The following C10orf67 variants were observed in gnomAD, a reference collection of about 807,000 sequenced individuals.
C10orf67 encodes chromosome 10 open reading frame 67, also known as uncharacterized protein C10orf67, mitochondrial.
Under a neutral mutation model 35.6 loss-of-function variants are expected in C10orf67, and 60 were observed. The ratio of observed to expected loss-of-function variants is 1.68; its 90% confidence interval spans 1.37 to 2.09. The LOEUF (loss-of-function observed/expected upper bound fraction) is 2.09. C10orf67 is among the 30% of genes most tolerant of loss of function. The pLI is 0.00. For missense variants in C10orf67, 474 were observed against 330.2 expected (o/e 1.44, Z -3.38); for synonymous variants, 167 against 115.8 (o/e 1.44, Z -2.84).
At chr10:23,232,655 G>A (rs919710287) in intron 13 of C10orf67, among the ~76,000 whole-genome samples, 1 of 152,120 alleles carries the variant, frequency 6.6e-6, no homozygotes, top group Non-Finnish European at 1.5e-5. Flanking sequence ...CAATATCCCA[G>A]CGTACCTGAA....
chr10:23,323,952 T>TATACACACAC (rs1564513730), intron 2 of C10orf67, among the ~76,000 whole-genome samples: 18 of 64,676 alleles, frequency 2.8e-4, no homozygotes, highest in Non-Finnish European at 4.7e-4. Flanking sequence ...TATATATATA[T>TATACACACAC]ACACACACAC....
At chr10:23,278,299 C>G (rs555867977) in intron 8 of C10orf67, among the ~76,000 whole-genome samples, 1 of 152,268 alleles carries the variant, frequency 6.6e-6, no homozygotes, top group South Asian at 2.1e-4. Context: ...GGAAATTAAT[C>G]CTGGAAACCC....
chr10:23,323,121 A>G (rs1171472375), intron 2 of C10orf67, among the ~76,000 whole-genome samples: 2 of 152,196 alleles, frequency 1.3e-5, no homozygotes, highest in African/African-American at 4.8e-5. Flanking sequence ...TTCTTCCCAC[A>G]CAGAAGAAAA....
chr10:23,323,891 CTAAATATATATATATATATATA>C (rs1845057830), intron 2 of C10orf67, among the ~76,000 whole-genome samples: 3 of 60,546 alleles, frequency 5.0e-5, no homozygotes, highest in African/African-American at 1.6e-4. Context: ...AAGACTCCGT[CTAAATATATATATATATATATA>C]TATATATATA....
intron 2 of C10orf67, among the ~76,000 whole-genome samples, chr10:23,326,388 G>GAAAAC (rs1210907793): frequency 6.6e-6 from 1 of 152,070 alleles, no homozygotes; most frequent in African/African-American, 2.4e-5. Context: ...TGTAAAGTGA[G>GAAAAC]AAAACAAAAC....
At chr10:23,308,627 T>C (rs945644608) in intron 4 of C10orf67, among the ~76,000 whole-genome samples, 6 of 152,120 alleles carry the variant, frequency 3.9e-5, no homozygotes, top group Admixed American at 2.0e-4. Context: ...AAACTTTTGC[T>C]TGTCATTCTA....
intron 7 of C10orf67, among the ~76,000 whole-genome samples, chr10:23,286,267 A>T (rs534876833): frequency 6.8e-6 from 1 of 147,708 alleles, no homozygotes; most frequent in South Asian, 2.2e-4. Flanking sequence ...GTGTGGTGGT[A>T]CTCCTGTTTA....
At chr10:23,289,633 C>T (rs1843654300) in intron 7 of C10orf67, among the ~76,000 whole-genome samples, 3 of 152,218 alleles carry the variant, frequency 2.0e-5, no homozygotes, top group South Asian at 4.1e-4. Context: ...TCAGACTTCT[C>T]TGTGTCATGT....
At chr10:23,241,554 G>A (rs1369046945) in intron 12 of C10orf67, among the ~76,000 whole-genome samples, 2 of 152,154 alleles carry the variant, frequency 1.3e-5, no homozygotes, top group African/African-American at 4.8e-5. Flanking sequence ...CTAATTTCTG[G>A]AAATTTTGAG....
chr10:23,254,072 T>G (rs1166171984), intron 10 of C10orf67, among the ~76,000 whole-genome samples: 1 of 152,204 alleles, frequency 6.6e-6, no homozygotes, highest in East Asian at 1.9e-4. Context: ...CATTGACAGG[T>G]GCAAACACTG....
chr10:23,304,596 C>G (rs373634241), intron 4 of C10orf67, among the ~76,000 whole-genome samples: 14 of 152,120 alleles, frequency 9.2e-5, no homozygotes, highest in African/African-American at 2.9e-4. Flanking sequence ...GGAGGCACAC[C>G]TTTCTATGTC....
chr10:23,283,797 G>A (rs1291917572), intron 7 of C10orf67, among the ~76,000 whole-genome samples: 1 of 151,896 alleles, frequency 6.6e-6, no homozygotes, highest in Non-Finnish European at 1.5e-5. Flanking sequence ...CCCTGATCCC[G>A]TAGAGTCCAG....
At chr10:23,300,718 C>T (rs193146010) in intron 5 of C10orf67, among the ~76,000 whole-genome samples, 25 of 152,192 alleles carry the variant, frequency 1.6e-4, no homozygotes, top group South Asian at 4.1e-4. Flanking sequence ...CCTTCTAGCA[C>T]GCAAGTTAGC....
chr10:23,306,991 T>C (rs937158217), intron 4 of C10orf67, among the ~76,000 whole-genome samples: 3 of 152,202 alleles, frequency 2.0e-5, no homozygotes, highest in African/African-American at 7.2e-5. Context: ...AATTTGAATA[T>C]GTAGAAAAGG....
intron 10 of C10orf67, among the ~76,000 whole-genome samples, chr10:23,261,749 A>G (rs1213621589): frequency 6.6e-6 from 1 of 152,188 alleles, no homozygotes; most frequent in Admixed American, 6.5e-5. Context: ...TGGTTATCTA[A>G]GATTGTTCAG....
Position 23,267,910 on chromosome 10 carries a change from GA to G in C10orf67, c.976-657del, listed in dbSNP as rs762163381. Among the ~76,000 whole-genome samples the G allele has an allele frequency of 2.8e-3, 386 of 139,984 alleles. 7 individuals are homozygous for G. The East Asian group carries it at 0.036, about 13-fold the overall frequency. 91.8% of individuals were successfully genotyped at this position (139,984 alleles called of 152,430 possible). ...GAGTGAAACTCAGTCTCAAAAAAAA[GA>G]AAAAAAAAAAGATAGTTTGAGAAAT... is the stretch of plus-strand genomic sequence containing the variant. On this transcript the variant is annotated intron_variant, in intron 8 of 15. Transcript: ENST00000636213.
At chr10:23,343,768 G>C (rs1038260373) in intron 1 of C10orf67, 8 of 313,502 alleles carry the variant, frequency 2.6e-5, no homozygotes, top group Non-Finnish European at 5.3e-5. Context: ...GCTCTTTTCG[G>C]ACAGTGATCC....
intron 8 of C10orf67, among the ~76,000 whole-genome samples, chr10:23,273,648 A>G (rs1001503270): frequency 6.6e-6 from 1 of 152,188 alleles, no homozygotes; most frequent in African/African-American, 2.4e-5. Flanking sequence ...CACACAGCCA[A>G]TGTTCCATTG....
intron 10 of C10orf67, among the ~76,000 whole-genome samples, chr10:23,260,384 A>G (rs954058578): frequency 6.6e-6 from 1 of 152,106 alleles, no homozygotes; most frequent in African/African-American, 2.4e-5. Flanking sequence ...GACCAAAAGG[A>G]AGAGGGTATA....
Sources: gnomAD v4.1 joint callset for allele counts (sites outside exome capture counted in the v4.1 genomes callset) on GRCh38, gnomAD v4.1.1 for gene constraint, MANE v1.5 for transcripts, NCBI Gene and HGNC (gene_info 2026-07-23, HGNC 2026-07-21) for gene names.